Variants in UBXN2B observed in about 807,000 individuals in gnomAD.
UBXN2B encodes UBX domain protein 2B.
Under a neutral mutation model 37.5 loss-of-function variants are expected in UBXN2B, and 19 were observed. The observed-to-expected ratio is 0.51, with a 90% confidence interval of 0.35 to 0.74. The LOEUF (loss-of-function observed/expected upper bound fraction) is 0.74. Among genes scored for constraint, UBXN2B ranks in the 30% least tolerant of loss-of-function variants. The pLI is 0.01. For missense variants in UBXN2B, 370 were observed against 393.2 expected (o/e 0.94, Z 0.50); for synonymous variants, 145 against 143.8 (o/e 1.01, Z -0.06).
intron 6 of UBXN2B, among the ~76,000 whole-genome samples, chr8:58,443,082 G>C (rs765682016): frequency 6.6e-6 from 1 of 152,192 alleles, no homozygotes; most frequent in Admixed American, 6.5e-5. Flanking sequence ...TGCTGAGCAG[G>C]CAGTGCTGTG....
At chr8:58,440,034 T>A (rs943139668) in intron 6 of UBXN2B, among the ~76,000 whole-genome samples, 19 of 152,260 alleles carry the variant, frequency 1.2e-4, no homozygotes, top group African/African-American at 4.3e-4. Context: ...ACATGTGTTA[T>A]CTCACTTAAT....
In UBXN2B at chr8:58,434,614, A is replaced by C. The variant is rs1424061685; in HGVS notation, c.533+110A>C. 8 of 967,386 alleles carry C rather than the reference A, an allele frequency of 8.3e-6. No homozygotes were observed. In the Admixed American group the frequency reaches 2.3e-4, roughly 28 times the overall value. The allele number at this position is 967,386 out of a possible 1,614,324, so 59.9% of individuals were successfully genotyped here. On this transcript the variant is annotated intron_variant, in intron 5 of 7. Coordinates refer to ENST00000399598, the MANE Select transcript of UBXN2B (RefSeq NM_001077619.2). Reference sequence around the variant, plus strand: ...GTTTTCAAGAAGTAGTTCCTGGAATATATTAAATAAATGGTTGCTGGGGGT... The same window carrying C: ...GTTTTCAAGAAGTAGTTCCTGGAATCTATTAAATAAATGGTTGCTGGGGGT...
chr8:58,441,520 A>G (rs1189087892), intron 6 of UBXN2B, among the ~76,000 whole-genome samples: 1 of 152,040 alleles, frequency 6.6e-6, no homozygotes, highest in African/African-American at 2.4e-5. Context: ...CAATATATAC[A>G]TATTCCTTCT....
chr8:58,446,119 G>A (rs770394084), intron 7 of UBXN2B, 51 bp downstream of exon 7: 3 of 1,509,324 alleles, frequency 2.0e-6, no homozygotes, highest in Non-Finnish European at 1.8e-6. Flanking sequence ...ACACTGGATT[G>A]CTTATCTAAG....
intron 6 of UBXN2B, 87 bp downstream of exon 6, chr8:58,439,857 AAAAC>A (rs1224822584): frequency 7.2e-7 from 1 of 1,391,904 alleles, no homozygotes; most frequent in South Asian, 1.5e-5. Context: ...TATGAAGTAA[AAAAC>A]AAAAATATGA....
At chr8:58,434,362 TATA>T in intron 4 of UBXN2B, 30 bp from the exon 5 acceptor site, 2 of 585,888 alleles carry the variant, frequency 3.4e-6, no homozygotes, top group South Asian at 5.6e-5. Flanking sequence ...TATATATATA[TATA>T]TATATTTTTT....
At chr8:58,430,716 T>A (rs898366798) in intron 3 of UBXN2B, 47 bp downstream of exon 3, 2 of 1,307,740 alleles carry the variant, frequency 1.5e-6, no homozygotes, top group Non-Finnish European at 2.0e-6. Context: ...ATATTTTACC[T>A]CCTCTTTCAT....
At chr8:58,444,100 C>A (rs938825364) in intron 6 of UBXN2B, among the ~76,000 whole-genome samples, 1 of 152,124 alleles carries the variant, frequency 6.6e-6, no homozygotes, top group Non-Finnish European at 1.5e-5. Flanking sequence ...TGAGAAAAAG[C>A]ATACCTGGTC....
intron 5 of UBXN2B, among the ~76,000 whole-genome samples, chr8:58,435,898 A>G (rs1006373806): frequency 2.0e-5 from 3 of 151,874 alleles, no homozygotes; most frequent in Admixed American, 6.6e-5. Flanking sequence ...TTTTATAAGA[A>G]ATATTTTGTA....
intron 2 of UBXN2B, 149 bp from the exon 3 acceptor site, chr8:58,430,370 C>T (rs1808241378): frequency 1.9e-6 from 1 of 522,588 alleles, no homozygotes; most frequent in Non-Finnish European, 3.1e-6. Context: ...TTTCCTTAAT[C>T]CCATTTTAAA....
intron 2 of UBXN2B, among the ~76,000 whole-genome samples, chr8:58,428,240 A>G (rs1177932098): frequency 2.0e-5 from 3 of 152,226 alleles, no homozygotes; most frequent in East Asian, 1.9e-4. Flanking sequence ...TTGGGTAATC[A>G]TCATTAGGAT....
intron 2 of UBXN2B, among the ~76,000 whole-genome samples, chr8:58,418,363 C>T (rs1049679908): frequency 6.6e-6 from 1 of 151,688 alleles, no homozygotes; most frequent in Non-Finnish European, 1.5e-5. Context: ...GAGGACATTG[C>T]ATTGCATTTA....
intron 3 of UBXN2B, among the ~76,000 whole-genome samples, chr8:58,431,113 C>G (rs1210629607): frequency 1.3e-5 from 2 of 152,214 alleles, no homozygotes; most frequent in Admixed American, 6.5e-5. Context: ...CACTCACACC[C>G]ACCCCGTCTC....
rs984008274 is a variant in UBXN2B, at chr8:58,411,421, G to A, written c.36G>A (p.Gln12=). ...AEGGGPEPGE[Q]ERRSSGPRPP... ...GCGGAGGCCCTGAGCCCGGCGAGCA[G>A]GAGAGGAGGTCTTCCGGGCCGCGGC... The change falls in exon 1 of 8, where the codon CAG becomes CAA. Residue 12 remains glutamine, a synonymous_variant. Transcript: ENST00000399598. The A allele has an allele frequency of 7.9e-7, 1 of 1,268,830 alleles. No homozygotes were observed. The highest frequency in any genetic ancestry group is 1.0e-6 in the Non-Finnish European group (1 of 1,001,648). 78.6% of individuals were successfully genotyped at this position (1,268,830 alleles called of 1,614,324 possible).
chr8:58,428,920 A>G (rs1290178480), intron 2 of UBXN2B, among the ~76,000 whole-genome samples: 1 of 152,218 alleles, frequency 6.6e-6, no homozygotes, highest in Non-Finnish European at 1.5e-5. Context: ...TAGAGAAAAA[A>G]TAGTTCTTGT....
intron 1 of UBXN2B, among the ~76,000 whole-genome samples, chr8:58,412,806 G>C (rs1249663565): frequency 6.6e-6 from 1 of 152,190 alleles, no homozygotes; most frequent in African/African-American, 2.4e-5. Context: ...GCTGGTGGTG[G>C]TGTAAGGATT....
intron 6 of UBXN2B, among the ~76,000 whole-genome samples, chr8:58,443,340 C>T (rs751148933): frequency 6.6e-6 from 1 of 152,082 alleles, no homozygotes; most frequent in Non-Finnish European, 1.5e-5. Context: ...CCTTTCCTGC[C>T]ATTTGCCTAC....
chr8:58,438,569 C>CT (rs1808474399), intron 5 of UBXN2B, among the ~76,000 whole-genome samples: 1 of 152,206 alleles, frequency 6.6e-6, no homozygotes, highest in African/African-American at 2.4e-5. Context: ...CCTGTTGCCT[C>CT]TTTCTTTTGG....
intron 5 of UBXN2B, chr8:58,435,137 T>C (rs978025238): frequency 2.2e-5 from 31 of 1,386,170 alleles, no homozygotes; most frequent in Non-Finnish European, 2.7e-5. Flanking sequence ...TAAGTAGATA[T>C]GCAACTAAAG....
Sources: allele counts gnomAD v4.1 joint callset (sites outside exome capture counted in the v4.1 genomes callset), GRCh38; gene constraint gnomAD v4.1.1; transcripts MANE v1.5; gene names NCBI Gene and HGNC (gene_info 2026-07-23, HGNC 2026-07-21).